AHI1: variants seen among roughly 807,000 people sequenced by gnomAD.
AHI1 encodes the protein Abelson helper integration site 1.
In AHI1, 123 loss-of-function variants were observed where a neutral mutation model predicts 149.3. The ratio of observed to expected loss-of-function variants is 0.82; its 90% confidence interval spans 0.71 to 0.96. The LOEUF (loss-of-function observed/expected upper bound fraction) is 0.96. AHI1 is among the 40% of genes least tolerant of loss of function. The probability of loss-of-function intolerance (pLI) is 0.00; values close to 1 mark genes in which losing one functional copy is unlikely to be tolerated. For synonymous variants in AHI1, 475 were observed against 459.8 expected, an observed-to-expected ratio of 1.03 and a Z score of -0.42; for missense variants, 1,439 against 1,422.7, an observed-to-expected ratio of 1.01 and a Z score of -0.18.
intron 24 of AHI1, among the ~76,000 whole-genome samples, chr6:135,346,159 A>G (rs1441130817): frequency 3.3e-5 from 5 of 152,136 alleles, no homozygotes; most frequent in Admixed American, 6.5e-5. Context: ...TGGGGAAGAC[A>G]GGAGTTTTAC....
At chr6:135,452,892 G>C (rs1012309581) in intron 11 of AHI1, among the ~76,000 whole-genome samples, 1 of 151,868 alleles carries the variant, frequency 6.6e-6, no homozygotes, top group African/African-American at 2.4e-5. Context: ...TGACCCCACA[G>C]TTCATCATCC....
Position 135,362,313 on chromosome 6 carries a change from G to A in AHI1, c.3110-4126C>T, listed in dbSNP as rs115568319. Reference sequence around the variant, plus strand: ...TTTTTCCCTCTGGGTAGATGGTAGCGGGATTGCTGGAGCAAAAGCGCTACT... The same window carrying A: ...TTTTTCCCTCTGGGTAGATGGTAGCAGGATTGCTGGAGCAAAAGCGCTACT... On this transcript the variant is annotated intron_variant, in intron 23 of 28. Transcript: ENST00000265602. Among the ~76,000 whole-genome samples the A allele has an allele frequency of 7.7e-3, 1,173 of 152,174 alleles. 21 individuals carry two copies. The highest frequency in any genetic ancestry group is 0.027 in the African/African-American group (1,114 of 41,506).
In AHI1 at chr6:135,358,152, G is replaced by A; in HGVS notation, c.3145C>T (p.Gln1049Ter). ...ISIERKPCNH[Q>*]VDTAPTVVAL... ...CTTACCGTTGGTGCTGTATCTACCT[G>A]ATGGTTACAAGGCTTTCTTTCTATG... The change falls in exon 24 of 29, where the codon CAG (glutamine) becomes TAG (stop). Residue 1049 changes from glutamine to a stop codon, truncating the protein, a stop_gained. Transcript: ENST00000265602. LOFTEE classifies it high-confidence loss of function. 1 of 1,613,154 alleles carries A rather than the reference G, an allele frequency of 6.2e-7. No individual in the cohort carries two copies. The highest frequency in any genetic ancestry group is 8.5e-7 in the Non-Finnish European group (1 of 1,179,494).
chr6:135,453,975 T>C (rs1413103543), intron 10 of AHI1, among the ~76,000 whole-genome samples: 1 of 152,138 alleles, frequency 6.6e-6, no homozygotes, highest in African/African-American at 2.4e-5. Context: ...TCTAGATATT[T>C]ATCAAAGGCT....
intron 10 of AHI1, 96 bp from the exon 11 acceptor site, chr6:135,453,532 A>T: frequency 1.2e-6 from 1 of 862,146 alleles, no homozygotes; most frequent in Non-Finnish European, 1.8e-6. Context: ...TATAGTGCTT[A>T]AAAACATTAA....
intron 23 of AHI1, among the ~76,000 whole-genome samples, chr6:135,364,490 G>T (rs1794576383): frequency 6.7e-6 from 1 of 150,192 alleles, no homozygotes; most frequent in Non-Finnish European, 1.5e-5. Flanking sequence ...CAGACGGGGT[G>T]GCGGCCGGGC....
chr6:135,492,083 C>T, intron 4 of AHI1, 145 bp downstream of exon 4: 1 of 520,726 alleles, frequency 1.9e-6, no homozygotes, highest in Non-Finnish European at 3.2e-6. Flanking sequence ...AATACAAAAC[C>T]AATAAGTATC....
At chr6:135,304,348 C>A (rs145617360) in intron 26 of AHI1, among the ~76,000 whole-genome samples, 8 of 152,162 alleles carry the variant, frequency 5.3e-5, no homozygotes, top group Admixed American at 2.0e-4. Flanking sequence ...CCACTGGGCC[C>A]GGCCTGATTT....
intron 27 of AHI1, among the ~76,000 whole-genome samples, chr6:135,299,420 G>A (rs1303350582): frequency 2.0e-5 from 3 of 152,156 alleles, no homozygotes; most frequent in African/African-American, 7.2e-5. Context: ...AGCTCAGCAG[G>A]GATTGTCTGT....
At chr6:135,380,258 T>G (rs1311945348) in intron 23 of AHI1, among the ~76,000 whole-genome samples, 1 of 152,012 alleles carries the variant, frequency 6.6e-6, no homozygotes, top group Admixed American at 6.6e-5. Flanking sequence ...ATTGAAACTA[T>G]TCAGAAAAGA....
intron 28 of AHI1, among the ~76,000 whole-genome samples, chr6:135,289,751 G>C (rs1486956300): frequency 6.6e-6 from 1 of 150,614 alleles, no homozygotes; most frequent in Admixed American, 6.6e-5. Context: ...TTCTACAATG[G>C]AAAAATAAAA....
chr6:135,323,798 A>G (rs1787238985), intron 24 of AHI1, among the ~76,000 whole-genome samples: 1 of 152,148 alleles, frequency 6.6e-6, no homozygotes, highest in South Asian at 2.1e-4. Flanking sequence ...TCTTTTTTTG[A>G]GATAAATTTC....
intron 5 of AHI1, among the ~76,000 whole-genome samples, chr6:135,468,494 A>C (rs1028146354): frequency 2.0e-5 from 3 of 152,144 alleles, no homozygotes; most frequent in Non-Finnish European, 2.9e-5. Context: ...ACATGAGGTC[A>C]GGAGTTCGAG....
At chr6:135,286,557 A>G (rs1436767310) in intron 28 of AHI1, 1 of 152,280 alleles carries the variant, frequency 6.6e-6, no homozygotes, top group Non-Finnish European at 1.5e-5. Flanking sequence ...CACTGTGGCA[A>G]GAAAGGGCAA....
In AHI1 at chr6:135,411,338, AT is replaced by A. The variant is rs756875846; in HGVS notation, c.2961+9del. The A allele has an allele frequency of 0.012, 19,368 of 1,610,872 alleles. 138 individuals are homozygous for A. Among genetic ancestry groups the A allele is most frequent in the Middle Eastern group, 0.022 (136 of 6,058 alleles). On this transcript the variant is annotated intron_variant, in intron 21 of 28. Transcript: ENST00000265602. ...AGTTTTAAAGTTTCAACTGCATAAA[AT>A]AAACTTACTGTGACAGTTTCAAGCC...
intron 21 of AHI1, among the ~76,000 whole-genome samples, chr6:135,409,645 C>T (rs1324611640): frequency 6.6e-6 from 1 of 152,132 alleles, no homozygotes; most frequent in Non-Finnish European, 1.5e-5. Flanking sequence ...TACTTTGGCT[C>T]TCATGGAGAA....
At chr6:135,361,685 AC>A (rs1793905342) in intron 23 of AHI1, among the ~76,000 whole-genome samples, 1 of 143,876 alleles carries the variant, frequency 7.0e-6, no homozygotes, top group Non-Finnish European at 1.5e-5. Context: ...ACACACACAC[AC>A]ACACACACGT....
At chr6:135,365,723 A>C (rs1774076378) in intron 23 of AHI1, among the ~76,000 whole-genome samples, 1 of 152,200 alleles carries the variant, frequency 6.6e-6, no homozygotes, top group Non-Finnish European at 1.5e-5. Flanking sequence ...ATGAGTCTTT[A>C]GCGTTTTCTA....
chr6:135,463,360 T>C (rs1159159042), intron 7 of AHI1, 54 bp from the exon 8 acceptor site: 1 of 1,380,382 alleles, frequency 7.2e-7, no homozygotes, highest in Admixed American at 2.2e-5. Context: ...ATTATAATTA[T>C]TATTCATGAT....
Sources: allele counts gnomAD v4.1 joint callset (sites outside exome capture counted in the v4.1 genomes callset), GRCh38; gene constraint gnomAD v4.1.1; transcripts MANE v1.5; gene names NCBI Gene and HGNC (gene_info 2026-07-23, HGNC 2026-07-21).